Variants in STT3B observed in about 807,000 individuals in gnomAD.
The protein encoded by STT3B is STT3 oligosaccharyltransferase complex catalytic subunit B, also known as dolichyl-diphosphooligosaccharide--protein glycosyltransferase subunit STT3B.
In STT3B, 29 loss-of-function variants were observed where a neutral mutation model predicts 96.8. The observed-to-expected ratio is 0.30, with a 90% CI of 0.22 to 0.41. The LOEUF is 0.41. STT3B is among the 10% of genes least tolerant of loss of function. The pLI, the probability that STT3B is intolerant of heterozygous loss-of-function variation, is 1.00. For synonymous variants in STT3B, 367 were observed against 360.0 expected (o/e 1.02, Z -0.22); for missense variants, 640 against 1,022.3 (o/e 0.63, Z 5.10).
intron 10 of STT3B, among the ~76,000 whole-genome samples, chr3:31,622,618 A>C (rs1699453222): frequency 6.6e-6 from 1 of 152,206 alleles, no homozygotes; most frequent in African/African-American, 2.4e-5. Context: ...TGCTGTACTA[A>C]ATTACATAAC....
At chr3:31,624,302 C>T (rs999050760) in intron 11 of STT3B, among the ~76,000 whole-genome samples, 1 of 152,218 alleles carries the variant, frequency 6.6e-6, no homozygotes, top group African/African-American at 2.4e-5. Context: ...TCTTTGTCCT[C>T]TCCTCCACCT....
chr3:31,543,654 G>T (rs1697335191), intron 1 of STT3B, among the ~76,000 whole-genome samples: 1 of 152,160 alleles, frequency 6.6e-6, no homozygotes, highest in African/African-American at 2.4e-5. Context: ...CAATACACAT[G>T]TCATATTATT....
intron 13 of STT3B, 160 bp from the exon 14 acceptor site, chr3:31,629,138 G>A: frequency 1.7e-6 from 1 of 584,978 alleles, no homozygotes; most frequent in Non-Finnish European, 3.0e-6. Flanking sequence ...TTATAACATG[G>A]TTCGAAGTCT....
chr3:31,600,562 G>A (rs1454486830), intron 5 of STT3B, 103 bp downstream of exon 5: 1 of 496,628 alleles, frequency 2.0e-6, no homozygotes. Context: ...GCATGAAAAG[G>A]TAAAAATAAT....
At chr3:31,577,048 A>G (rs557356182) in intron 2 of STT3B, among the ~76,000 whole-genome samples, 38 of 152,262 alleles carry the variant, frequency 2.5e-4, no homozygotes, top group Non-Finnish European at 4.1e-4. Context: ...AAGGTGAAAG[A>G]CAAAGCAACA....
At chr3:31,581,523 A>T (rs1370554556) in intron 3 of STT3B, among the ~76,000 whole-genome samples, 1 of 152,214 alleles carries the variant, frequency 6.6e-6, no homozygotes, top group African/African-American at 2.4e-5. Context: ...AATTTTGAGC[A>T]CATTACATTC....
At chr3:31,561,278 T>G (rs1697870911) in intron 1 of STT3B, among the ~76,000 whole-genome samples, 1 of 152,066 alleles carries the variant, frequency 6.6e-6, no homozygotes. Flanking sequence ...AATTTTTTAT[T>G]TTTTAAAAAA....
chr3:31,593,599 C>T (rs1173297118), intron 3 of STT3B, among the ~76,000 whole-genome samples: 2 of 152,072 alleles, frequency 1.3e-5, no homozygotes, highest in African/African-American at 4.8e-5. Flanking sequence ...TTGGATACTT[C>T]CTGTTGACCT....
At position 31,572,256 on chromosome 3, in the gene STT3B, T is replaced by A. The variant is rs999701474; in HGVS notation, c.315-4140T>A. On this transcript the variant is annotated intron_variant, in intron 1 of 15. Coordinates refer to ENST00000295770, the MANE Select transcript of STT3B (RefSeq NM_178862.3). ...ATGAGGAATGCAAGCAGTTCTTATA[T>A]GTAATTACTCAACCTTGAACCAGAA... Among the ~76,000 whole-genome samples, 68 of 147,570 alleles carry A rather than the reference T, an allele frequency of 4.6e-4. 2 individuals are homozygous for A.
chr3:31,631,221 A>T (rs1276798343), intron 14 of STT3B, among the ~76,000 whole-genome samples: 1 of 152,214 alleles, frequency 6.6e-6, no homozygotes, highest in Non-Finnish European at 1.5e-5. Context: ...TTCCAAGTGA[A>T]TCATATTTTA....
chr3:31,567,383 T>C (rs1279982350), intron 1 of STT3B, among the ~76,000 whole-genome samples: 1 of 152,216 alleles, frequency 6.6e-6, no homozygotes, highest in Non-Finnish European at 1.5e-5. Context: ...CTTTTCTGTT[T>C]GTTGGATTTA....
In STT3B at chr3:31,578,847, G is replaced by A. The variant is rs955938324; in HGVS notation, c.424-962G>A. Among the ~76,000 whole-genome samples, 11 of 151,966 alleles carry A rather than the reference G, an allele frequency of 7.2e-5. No homozygotes were observed. The East Asian group carries it at 9.6e-4, about 13-fold the overall frequency. ...AGTAAATAAATAAAATAAATAGTAC[G>A]TCAAATGATGATAAGTATTATGGAG... On this transcript the variant is annotated intron_variant, in intron 2 of 15. Coordinates refer to ENST00000295770, the MANE Select transcript of STT3B (RefSeq NM_178862.3).
At chr3:31,569,741 A>G (rs972183105) in intron 1 of STT3B, among the ~76,000 whole-genome samples, 6 of 152,076 alleles carry the variant, frequency 3.9e-5, no homozygotes, top group African/African-American at 1.4e-4. Flanking sequence ...GGTGACTGCT[A>G]ATTTTTAAAA....
intron 14 of STT3B, among the ~76,000 whole-genome samples, chr3:31,630,843 C>A (rs1699641004): frequency 6.6e-6 from 1 of 151,830 alleles, no homozygotes; most frequent in South Asian, 2.1e-4. Context: ...GTCGCCCAGG[C>A]TGGAGTACAG....
intron 7 of STT3B, among the ~76,000 whole-genome samples, chr3:31,617,313 C>T (rs1042092831): frequency 5.3e-5 from 8 of 150,606 alleles, no homozygotes; most frequent in Non-Finnish European, 7.4e-5. Context: ...AAAATCAGAG[C>T]TTCTGTTATT....
chr3:31,623,873 A>T lies in STT3B; in HGVS notation c.1727+12A>T, dbSNP rs754882206. The T allele has an allele frequency of 6.4e-7, 1 of 1,562,030 alleles. No individual in the cohort carries two copies. Among genetic ancestry groups the T allele is most frequent in the Non-Finnish European group, 8.7e-7 (1 of 1,147,326 alleles). On this transcript the variant is annotated intron_variant, in intron 11 of 15. Coordinates refer to ENST00000295770, the MANE Select transcript of STT3B (RefSeq NM_178862.3). ...TACAATCATGATGGGTAAGAAAATA[A>T]CTCGGATACAAAAACATTTTATACT...
At chr3:31,625,820 T>C (rs1699524703) in intron 12 of STT3B, 134 bp from the exon 13 acceptor site, 1 of 744,010 alleles carries the variant, frequency 1.3e-6, no homozygotes, top group Non-Finnish European at 2.1e-6. Flanking sequence ...GAATTCATAG[T>C]AAATCATTTC....
chr3:31,577,310 T>C (rs530954241), intron 2 of STT3B, among the ~76,000 whole-genome samples: 2 of 152,174 alleles, frequency 1.3e-5, no homozygotes, highest in East Asian at 3.9e-4. Flanking sequence ...TATTAAGAGA[T>C]GCATTTTAAG....
At chr3:31,623,918 C>G in intron 11 of STT3B, 57 bp downstream of exon 11, 1 of 1,341,754 alleles carries the variant, frequency 7.5e-7, no homozygotes, top group South Asian at 1.5e-5. Context: ...TTTTCGTTGT[C>G]TCAAAGGATA....
Sources: allele counts gnomAD v4.1 joint callset (sites outside exome capture counted in the v4.1 genomes callset), GRCh38; gene constraint gnomAD v4.1.1; transcripts MANE v1.5; gene names NCBI Gene and HGNC (gene_info 2026-07-23, HGNC 2026-07-21).